NRG3: variants seen among roughly 807,000 people sequenced by gnomAD.
NRG3 encodes neuregulin 3.
In NRG3, 31 loss-of-function variants were observed where a neutral mutation model predicts 66.9. That is an observed-to-expected ratio of 0.46 (90% CI 0.35 to 0.63). The LOEUF is 0.63. Ranked by LOEUF, NRG3 falls within the 20% of genes least tolerant of loss-of-function variation. The pLI is 0.00. For synonymous variants in NRG3, 393 were observed against 359.4 expected (o/e 1.09, Z -1.06); for missense variants, 910 against 878.9 (o/e 1.04, Z -0.45).
At chr10:82,786,598 TG>T (rs2060375328) in intron 3 of NRG3, among the ~76,000 whole-genome samples, 1 of 152,164 alleles carries the variant, frequency 6.6e-6, no homozygotes, top group South Asian at 2.1e-4. Context: ...CTGATTTAGA[TG>T]AGGCTCTGGA....
At chr10:82,140,696 C>T (rs181883087) in intron 1 of NRG3, among the ~76,000 whole-genome samples, 20 of 152,078 alleles carry the variant, frequency 1.3e-4, no homozygotes, top group Admixed American at 7.2e-4. Context: ...TACTATTTCA[C>T]TCCAGCCTGG....
chr10:82,898,090 T>C (rs1843834249), intron 4 of NRG3, among the ~76,000 whole-genome samples: 1 of 151,880 alleles, frequency 6.6e-6, no homozygotes, highest in South Asian at 2.1e-4. Flanking sequence ...TGCCAGAGAG[T>C]CAGTGCCCCT....
chr10:82,031,828 C>T (rs909029097), intron 1 of NRG3, among the ~76,000 whole-genome samples: 2 of 152,108 alleles, frequency 1.3e-5, no homozygotes, highest in Non-Finnish European at 2.9e-5. Context: ...GGCCTTGCCA[C>T]TTCCTTCCCC....
chr10:82,940,900 A>G lies in NRG3; in HGVS notation c.1055-10569A>G, dbSNP rs112141823. On this transcript the variant is annotated intron_variant, in intron 4 of 8. Coordinates refer to ENST00000372141, the MANE Select transcript of NRG3 (RefSeq NM_001010848.4). ...ATTTTGGGGGCACACCAATATTCAG[A>G]CCATAGCAGACGCTATACTCAAATA... Among the ~76,000 whole-genome samples, 1,258 of 152,276 alleles carry G rather than the reference A, an allele frequency of 8.3e-3. 22 individuals are homozygous for G. The highest frequency in any genetic ancestry group is 0.029 in the African/African-American group (1,215 of 41,548).
chr10:82,048,644 G>A (rs2063433874), intron 1 of NRG3, among the ~76,000 whole-genome samples: 1 of 151,288 alleles, frequency 6.6e-6, no homozygotes, highest in African/African-American at 2.4e-5. Context: ...ACAAGAGAAA[G>A]CAGGAAAGAT....
intron 1 of NRG3, among the ~76,000 whole-genome samples, chr10:82,155,042 A>C (rs374902500): frequency 2.0e-5 from 3 of 151,828 alleles, no homozygotes; most frequent in East Asian, 3.9e-4. Context: ...ATTGTCTATA[A>C]ATTTATTGAC....
intron 1 of NRG3, among the ~76,000 whole-genome samples, chr10:82,298,460 C>G (rs1221637772): frequency 1.3e-5 from 2 of 152,132 alleles, no homozygotes; most frequent in Non-Finnish European, 2.9e-5. Flanking sequence ...TACTATATAA[C>G]ACATTTAACA....
At chr10:82,435,779 C>CTTTTTTTTT (rs1158502018) in intron 2 of NRG3, among the ~76,000 whole-genome samples, 30 of 108,252 alleles carry the variant, frequency 2.8e-4, no homozygotes, top group Admixed American at 3.8e-4. Flanking sequence ...CTTTTCTTTT[C>CTTTTTTTTT]TTTTTTTTTT....
intron 3 of NRG3, among the ~76,000 whole-genome samples, chr10:82,792,433 T>C (rs1242110764): frequency 6.6e-6 from 1 of 152,164 alleles, no homozygotes; most frequent in Non-Finnish European, 1.5e-5. Flanking sequence ...TTATCTTCAA[T>C]TATTACGTCT....
At chr10:82,320,740 GT>G (rs2081526096) in intron 1 of NRG3, among the ~76,000 whole-genome samples, 1 of 152,144 alleles carries the variant, frequency 6.6e-6, no homozygotes, top group African/African-American at 2.4e-5. Flanking sequence ...GTAGAAGAGA[GT>G]GGTTCCCCAG....
intron 1 of NRG3, among the ~76,000 whole-genome samples, chr10:82,305,813 C>T (rs1461221387): frequency 2.6e-5 from 4 of 151,920 alleles, no homozygotes; most frequent in Admixed American, 1.3e-4. Flanking sequence ...ACAATTGTTC[C>T]TCCTCCTTAA....
intron 1 of NRG3, among the ~76,000 whole-genome samples, chr10:81,945,461 T>G (rs1848764921): frequency 6.6e-6 from 1 of 152,154 alleles, no homozygotes; most frequent in Admixed American, 6.6e-5. Flanking sequence ...TTGTCTTCCT[T>G]TCCTTGTTTT....
rs373280260 is a variant in NRG3, at chr10:82,517,409, G to A, written c.953+158541G>A. Among the ~76,000 whole-genome samples, 27 of 152,224 alleles carry A rather than the reference G, an allele frequency of 1.8e-4. No individual in the cohort carries two copies. The East Asian group carries it at 3.5e-3, about 20-fold the overall frequency. Reference sequence around the variant, plus strand: ...CAATTATTCGTTTGATTTACTGAATGTAAGTATTCAGTTTGAACACTGTCC... The same window carrying A: ...CAATTATTCGTTTGATTTACTGAATATAAGTATTCAGTTTGAACACTGTCC... On this transcript the variant is annotated intron_variant, in intron 2 of 8. Coordinates refer to ENST00000372141, the MANE Select transcript of NRG3 (RefSeq NM_001010848.4).
intron 2 of NRG3, among the ~76,000 whole-genome samples, chr10:82,733,924 G>C (rs977294051): frequency 3.9e-5 from 6 of 152,216 alleles, no homozygotes; most frequent in Non-Finnish European, 8.8e-5. Context: ...TCTGAAGTTA[G>C]CAGTGTGGCC....
rs1165541051 is a variant in NRG3, at chr10:82,132,482, ATATATATATGATATATATATAT to A, written c.824-226256_824-226235del. On this transcript the variant is annotated intron_variant, in intron 1 of 8. Coordinates refer to ENST00000372141, the MANE Select transcript of NRG3 (RefSeq NM_001010848.4). ...ATGATATATATGATATATATATGAT[ATATATATATGATATATATATAT>A]CATATATATATGATATATATGATAT... Among the ~76,000 whole-genome samples, 3 of 5,188 alleles carry A rather than the reference ATATATATATGATATATATATAT, an allele frequency of 5.8e-4. 1 individual carries two copies. In the African/African-American group the frequency reaches 6.9e-3, roughly 12 times the overall value. 3.4% of individuals were successfully genotyped at this position (5,188 alleles called of 152,430 possible). A position where few individuals can be genotyped will look rare whatever the true frequency, so the allele number is the denominator to read the frequency against.
intron 3 of NRG3, among the ~76,000 whole-genome samples, chr10:82,797,621 A>G (rs2060854466): frequency 6.6e-6 from 1 of 152,050 alleles, no homozygotes; most frequent in South Asian, 2.1e-4. Context: ...TCTGCCCCCA[A>G]AGTACCTCGA....
At position 82,782,547 on chromosome 10, in the gene NRG3, G is replaced by A. The variant is rs76604007; in HGVS notation, c.1027+43897G>A. On this transcript the variant is annotated intron_variant, in intron 3 of 8. Coordinates refer to ENST00000372141, the MANE Select transcript of NRG3 (RefSeq NM_001010848.4). ...AGACCAACAACTGATACTGAGTAGC[G>A]AGACTGTTGTTATAACAAATACCTG... Among the ~76,000 whole-genome samples, 264 of 152,208 alleles carry A rather than the reference G, an allele frequency of 1.7e-3. 9 individuals are homozygous for A. In the East Asian group the frequency reaches 0.049, roughly 28 times the overall value.
At chr10:82,198,677 A>G (rs1334876221) in intron 1 of NRG3, among the ~76,000 whole-genome samples, 2 of 152,080 alleles carry the variant, frequency 1.3e-5, no homozygotes, top group Non-Finnish European at 2.9e-5. Context: ...AGTTCGTGCA[A>G]GGCTATGATT....
chr10:82,826,792 A>C (rs1459073237), intron 3 of NRG3, among the ~76,000 whole-genome samples: 2 of 151,982 alleles, frequency 1.3e-5, no homozygotes, highest in African/African-American at 2.4e-5. Flanking sequence ...AAAATCAAAA[A>C]CTACCTATCG....
Sources: gnomAD v4.1 joint callset for allele counts (sites outside exome capture counted in the v4.1 genomes callset) on GRCh38, gnomAD v4.1.1 for gene constraint, MANE v1.5 for transcripts, NCBI Gene and HGNC (gene_info 2026-07-23, HGNC 2026-07-21) for gene names.